Variants in SEM1 observed in about 807,000 individuals in gnomAD.
The protein encoded by SEM1 is SEM1 26S proteasome subunit, also known as 26S proteasome complex subunit SEM1.
In SEM1, 3 loss-of-function variants were observed where a neutral mutation model predicts 12.7. The observed-to-expected ratio is 0.24, with a 90% CI of 0.11 to 0.61. SEM1 has a LOEUF of 0.61. Among genes scored for constraint, SEM1 ranks in the 20% least tolerant of loss-of-function variants. The pLI, the probability that SEM1 is intolerant of heterozygous loss-of-function variation, is 0.88. For missense variants in SEM1, 59 were observed against 81.3 expected, an observed-to-expected ratio of 0.73 and a Z score of 1.06; for synonymous variants, 30 against 27.8, an observed-to-expected ratio of 1.08 and a Z score of -0.25.
chr7:96,684,031 A>C (rs986074527), downstream of SEM1, among the ~76,000 whole-genome samples: 1 of 152,106 alleles, frequency 6.6e-6, no homozygotes, highest in Non-Finnish European at 1.5e-5. Context: ...ATAATTAAAA[A>C]AAATTAAAAA....
chr7:96,498,906 A>G (rs1803403010), upstream of SEM1, among the ~76,000 whole-genome samples: 1 of 152,168 alleles, frequency 6.6e-6, no homozygotes, highest in Non-Finnish European at 1.5e-5. Context: ...TCCCATTATA[A>G]CTTTTCTGTA....
At chr7:96,586,179 C>T (rs1398056921) in intron 2 of SEM1, among the ~76,000 whole-genome samples, 1 of 152,032 alleles carries the variant, frequency 6.6e-6, no homozygotes, top group East Asian at 1.9e-4. Context: ...GAATTTTTCA[C>T]TGACTCAAGG....
At chr7:96,674,709 G>C (rs1383902402) in intron 2 of SEM1, among the ~76,000 whole-genome samples, 1 of 152,080 alleles carries the variant, frequency 6.6e-6, no homozygotes. Context: ...GCATACAATG[G>C]CAGGAAATTT....
At position 96,602,904 on chromosome 7, in the gene SEM1, G is replaced by C. The variant is rs73708368; in HGVS notation, c.170+91894C>G. Among the ~76,000 whole-genome samples, 695 of 152,240 alleles carry C rather than the reference G, an allele frequency of 4.6e-3. 7 individuals are homozygous for C. The highest frequency in any genetic ancestry group is 0.016 in the African/African-American group (645 of 41,544). On this transcript the variant is annotated intron_variant and NMD_transcript_variant, in intron 2 of 3. Transcript: ENST00000466986. ...AAATAGAAGGTGACGTACAGCCAGA[G>C]AGAAGGCAAATAAATCAAGGGGAAA... is the stretch of plus-strand genomic sequence containing the variant.
intron 2 of SEM1, among the ~76,000 whole-genome samples, chr7:96,553,701 C>G (rs1208973691): frequency 3.3e-5 from 5 of 151,978 alleles, no homozygotes; most frequent in African/African-American, 1.2e-4. Context: ...TCCATATGAA[C>G]TTTAAAGTAG....
chr7:96,687,520 A>C (rs2115790665), downstream of SEM1, among the ~76,000 whole-genome samples: 1 of 152,110 alleles, frequency 6.6e-6, no homozygotes, highest in African/African-American at 2.4e-5. Flanking sequence ...ATTCTCAGTA[A>C]ACTATCGCAA....
At chr7:96,486,691 A>G (rs1175143383) in intron 1 of SEM1, among the ~76,000 whole-genome samples, 3 of 152,182 alleles carry the variant, frequency 2.0e-5, no homozygotes, top group African/African-American at 7.2e-5. Flanking sequence ...TGCCTCCAAC[A>G]CAAGGGGACT....
downstream of SEM1, among the ~76,000 whole-genome samples, chr7:96,685,182 C>G (rs967276786): frequency 6.6e-6 from 1 of 152,044 alleles, no homozygotes; most frequent in Non-Finnish European, 1.5e-5. Context: ...TCAAAAGGGA[C>G]TTGGCTCATT....
intron 2 of SEM1, among the ~76,000 whole-genome samples, chr7:96,638,685 A>G (rs1808503015): frequency 6.6e-6 from 1 of 151,954 alleles, no homozygotes; most frequent in African/African-American, 2.4e-5. Context: ...TATTCTTTAT[A>G]ATATTAAGAA....
At chr7:96,610,595 G>T (rs1002833484) in intron 2 of SEM1, among the ~76,000 whole-genome samples, 6 of 152,164 alleles carry the variant, frequency 3.9e-5, no homozygotes, top group Non-Finnish European at 5.9e-5. Context: ...TCTTAAATAT[G>T]AAAGATAAAA....
intron 3 of SEM1, among the ~76,000 whole-genome samples, chr7:96,505,675 A>C (rs2117281085): frequency 6.6e-6 from 1 of 152,262 alleles, no homozygotes; most frequent in Non-Finnish European, 1.5e-5. Flanking sequence ...GTCCAAGACG[A>C]GAGTATCAGA....
intron 1 of SEM1, among the ~76,000 whole-genome samples, chr7:96,709,423 A>T (rs755120116): frequency 5.3e-5 from 8 of 152,332 alleles, no homozygotes; most frequent in Non-Finnish European, 1.2e-4. Context: ...ACCATCACAG[A>T]CGCGGGGCTA....
At chr7:96,596,647 G>T (rs923167112) in intron 2 of SEM1, among the ~76,000 whole-genome samples, 2 of 152,168 alleles carry the variant, frequency 1.3e-5, no homozygotes, top group Non-Finnish European at 2.9e-5. Context: ...CTGGGAGAGT[G>T]TGGAGGTTGC....
At chr7:96,496,350 A>C, upstream of SEM1, 1 of 1,327,676 alleles carries the variant, frequency 7.5e-7, no homozygotes, top group Non-Finnish European at 1.0e-6. Context: ...CTCTGTGTGA[A>C]ATAAATTAAT....
intron 2 of SEM1, among the ~76,000 whole-genome samples, chr7:96,529,606 G>A (rs960832922): frequency 2.1e-5 from 3 of 143,552 alleles, no homozygotes; most frequent in Admixed American, 7.0e-5. Flanking sequence ...TCATACAACT[G>A]CAGCTCTTGA....
intron 2 of SEM1, among the ~76,000 whole-genome samples, chr7:96,628,841 A>G (rs981776346): frequency 6.6e-6 from 1 of 152,148 alleles, no homozygotes; most frequent in Non-Finnish European, 1.5e-5. Context: ...TGTTGATGAA[A>G]TCTCTCCACT....
chr7:96,557,536 C>G (rs576208986), intron 2 of SEM1, among the ~76,000 whole-genome samples: 2 of 88,902 alleles, frequency 2.2e-5, no homozygotes, highest in African/African-American at 5.7e-5. Context: ...CTTGAGGAGG[C>G]AGTCTGCCCG....
chr7:96,504,597 T>A, intron 3 of SEM1, among the ~76,000 whole-genome samples: 1 of 152,072 alleles, frequency 6.6e-6, no homozygotes, highest in East Asian at 1.9e-4. Flanking sequence ...ATATACTAAT[T>A]CATTTATAAA....
chr7:96,684,494 A>C (rs1789705482), downstream of SEM1, among the ~76,000 whole-genome samples: 1 of 152,026 alleles, frequency 6.6e-6, no homozygotes. Context: ...AGGGGAGATG[A>C]GGATTCATTA....
Sources: gnomAD v4.1 joint callset for allele counts (sites outside exome capture counted in the v4.1 genomes callset) on GRCh38, gnomAD v4.1.1 for gene constraint, MANE v1.5 for transcripts, NCBI Gene and HGNC (gene_info 2026-07-23, HGNC 2026-07-21) for gene names.